The following DNAH3 variants were observed in gnomAD, a reference collection of about 807,000 sequenced individuals.
DNAH3 encodes the protein dynein axonemal heavy chain 3.
DNAH3 carries 332 observed loss-of-function variants against 432.5 expected under a neutral mutation model. The ratio of observed to expected loss-of-function variants is 0.77; its 90% CI spans 0.70 to 0.84. The LOEUF (loss-of-function observed/expected upper bound fraction) is 0.84. Ranked by LOEUF, DNAH3 falls within the 40% of genes least tolerant of loss-of-function variation. The probability of loss-of-function intolerance (pLI) is 0.00; values close to 1 mark genes in which losing one functional copy is unlikely to be tolerated. For synonymous variants in DNAH3, 1,956 were observed against 1,900.2 expected, an observed-to-expected ratio of 1.03 and a Z score of -0.76; for missense variants, 4,861 against 5,114.0, an observed-to-expected ratio of 0.95 and a Z score of 1.51.
chr16:21,030,654 G>A lies in DNAH3; in HGVS notation c.5439+391C>T, dbSNP rs370363080. Among the ~76,000 whole-genome samples, 5 of 152,258 alleles carry A rather than the reference G, an allele frequency of 3.3e-5. No homozygotes were observed. The South Asian group carries it at 6.2e-4, about 19-fold the overall frequency. On this transcript the variant is annotated intron_variant, in intron 37 of 61. Transcript: ENST00000261383. Reference sequence around the variant, plus strand: ...GCAATAAGTAACCAAAACATATCCCGCAGGTACTATGTGCAATCTCATTTA... The same window carrying A: ...GCAATAAGTAACCAAAACATATCCCACAGGTACTATGTGCAATCTCATTTA...
chr16:20,970,804 T>C (rs1157022025), intron 51 of DNAH3, among the ~76,000 whole-genome samples: 1 of 151,902 alleles, frequency 6.6e-6, no homozygotes, highest in Non-Finnish European at 1.5e-5. Flanking sequence ...GTTGGTGACC[T>C]GATTCTTGCT....
At chr16:20,939,660 C>T (rs192872132) in intron 59 of DNAH3, among the ~76,000 whole-genome samples, 47 of 150,206 alleles carry the variant, frequency 3.1e-4, no homozygotes, top group Admixed American at 3.1e-3. Flanking sequence ...AGCCTAACAA[C>T]TCTCAAATAA....
In DNAH3 at chr16:21,146,098, A is replaced by G. The variant is rs374255066; in HGVS notation, c.118-10T>C. 7 of 1,594,768 alleles carry G rather than the reference A, an allele frequency of 4.4e-6. No homozygotes were observed. The East Asian group carries it at 1.1e-4, about 25-fold the overall frequency. On this transcript the variant is annotated splice_polypyrimidine_tract_variant and intron_variant, in intron 1 of 61. Coordinates refer to ENST00000261383, the Ensembl canonical transcript of DNAH3. ...AGTCACTTTTGGCGATCTGTGGGAC[A>G]TGGGAACAAAGTCACCCTTCAAAAA... is the stretch of plus-strand genomic sequence containing the variant.
chr16:21,067,817 G>T (rs1485331685), intron 23 of DNAH3, among the ~76,000 whole-genome samples: 1 of 146,664 alleles, frequency 6.8e-6, no homozygotes, highest in Non-Finnish European at 1.5e-5. Context: ...CTAAGGCAGG[G>T]CCAGGAAAGA....
rs111518786 is a variant in DNAH3, at chr16:21,099,233, C to CATGGATGGATGGATGG, written c.2367-480_2367-465dup. On this transcript the variant is annotated intron_variant, in intron 16 of 61. Transcript: ENST00000261383. ...AACTGAGGGAGACCTAGACAATAGACATGGATGGATGGATGGATGGATGGA... is the reference window on the plus strand; with the variant it reads ...AACTGAGGGAGACCTAGACAATAGACATGGATGGATGGATGGATGGATGGATGGATGGATGGATGGA... 8.8e-3 allele frequency among the ~76,000 whole-genome samples: 1,313 copies of CATGGATGGATGGATGG among 149,792 alleles called. 4 individuals carry two copies. Among genetic ancestry groups the CATGGATGGATGGATGG allele is most frequent in the Non-Finnish European group, 0.012 (824 of 67,502 alleles).
intron 47 of DNAH3, among the ~76,000 whole-genome samples, chr16:20,986,985 T>C (rs1279712676): frequency 2.6e-5 from 4 of 152,194 alleles, no homozygotes; most frequent in Non-Finnish European, 5.9e-5. Flanking sequence ...CAATGTACAG[T>C]TCATTTCTCA....
chr16:21,020,397 A>ATATATATAT (rs1555530020), intron 40 of DNAH3, among the ~76,000 whole-genome samples: 2 of 34,594 alleles, frequency 5.8e-5, no homozygotes, highest in African/African-American at 2.4e-4. Context: ...ATATATATAT[A>ATATATATAT]TTTTTTTTTT....
At chr16:20,948,398 C>A in intron 57 of DNAH3, 85 bp downstream of exon 57, 1 of 1,419,266 alleles carries the variant, frequency 7.0e-7, no homozygotes, top group South Asian at 1.3e-5. Flanking sequence ...CCCTGGGATC[C>A]CTGGCTACAC....
At chr16:20,970,192 C>T (rs1208167028) in intron 51 of DNAH3, among the ~76,000 whole-genome samples, 1 of 152,170 alleles carries the variant, frequency 6.6e-6, no homozygotes, top group Non-Finnish European at 1.5e-5. Context: ...CCTTTTGGGG[C>T]TGTGGTCTGG....
intron 50 of DNAH3, among the ~76,000 whole-genome samples, chr16:20,978,222 TTTC>T (rs1433406215): frequency 1.3e-5 from 2 of 152,114 alleles, no homozygotes; most frequent in Admixed American, 6.6e-5. Context: ...CACTTAGTTT[TTTC>T]TTCTTTTTTA....
At chr16:20,938,146 C>G (rs144577987) in intron 59 of DNAH3, among the ~76,000 whole-genome samples, 1 of 152,274 alleles carries the variant, frequency 6.6e-6, no homozygotes, top group African/African-American at 2.4e-5. Flanking sequence ...AATCCCAGCA[C>G]TTTGAAAGGC....
chr16:20,989,019 G>A (rs905113355), intron 44 of DNAH3, among the ~76,000 whole-genome samples: 1 of 152,212 alleles, frequency 6.6e-6, no homozygotes, highest in Non-Finnish European at 1.5e-5. Context: ...GCTCATAAAA[G>A]CAGTGTGGAC....
chr16:21,085,660 C>A (rs1322770449), intron 19 of DNAH3, among the ~76,000 whole-genome samples: 1 of 150,908 alleles, frequency 6.6e-6, no homozygotes, highest in Non-Finnish European at 1.5e-5. Context: ...CTTCTCCCTA[C>A]AAAAAGACCC....
chr16:20,947,458 C>T (rs894263328), intron 57 of DNAH3, among the ~76,000 whole-genome samples: 3 of 152,108 alleles, frequency 2.0e-5, no homozygotes, highest in African/African-American at 7.2e-5. Context: ...GTGAGAACCC[C>T]AACGTGAAGC....
chr16:20,954,698 C>T lies in DNAH3; in HGVS notation c.11071+115G>A, dbSNP rs557498795. ...AATATTGCCTGGAAAATATTTATAC[C>T]GTATCTTACTGGCAACCCTATCTGA... On this transcript the variant is annotated intron_variant, in intron 55 of 61. Transcript: ENST00000261383. 5.3e-5 allele frequency: 61 copies of T among 1,152,058 alleles called. No individual in the cohort carries two copies. In the African/African-American group the frequency reaches 7.2e-4, roughly 14 times the overall value. 71.4% of individuals were successfully genotyped at this position (1,152,058 alleles called of 1,614,324 possible).
intron 40 of DNAH3, among the ~76,000 whole-genome samples, chr16:21,020,975 G>A (rs1457493803): frequency 1.3e-5 from 2 of 152,258 alleles, no homozygotes; most frequent in South Asian, 4.2e-4. Context: ...ATTAATTGTA[G>A]AGAAGAATCG....
chr16:20,950,405 A>G (rs1391856858), intron 56 of DNAH3, among the ~76,000 whole-genome samples: 1 of 152,154 alleles, frequency 6.6e-6, no homozygotes, highest in Non-Finnish European at 1.5e-5. Context: ...AGCCTCCACT[A>G]CTATAACTGC....
chr16:21,028,160 A>ATTTTTTG, intron 37 of DNAH3, among the ~76,000 whole-genome samples: 1 of 151,792 alleles, frequency 6.6e-6, no homozygotes, highest in Non-Finnish European at 1.5e-5. Context: ...CTAGTTTTTT[A>ATTTTTTG]TTTTTTGTTT....
At chr16:21,042,943 T>C (rs1421936359) in intron 31 of DNAH3, among the ~76,000 whole-genome samples, 1 of 152,178 alleles carries the variant, frequency 6.6e-6, no homozygotes, top group Non-Finnish European at 1.5e-5. Flanking sequence ...GTTCTTGCGA[T>C]AGTTTACTGA....
Sources: gnomAD v4.1 joint callset for allele counts (sites outside exome capture counted in the v4.1 genomes callset) on GRCh38, gnomAD v4.1.1 for gene constraint, MANE v1.5 for transcripts, NCBI Gene and HGNC (gene_info 2026-07-23, HGNC 2026-07-21) for gene names.